PUM1: variants seen among roughly 807,000 people sequenced by gnomAD.
PUM1 encodes the protein pumilio RNA binding family member 1.
Under a neutral mutation model 131.8 loss-of-function variants are expected in PUM1, and 13 were observed. That is an observed-to-expected ratio of 0.10 (90% CI 0.06 to 0.16). The LOEUF is 0.16. Among genes scored for constraint, PUM1 ranks in the 10% least tolerant of loss-of-function variants. The pLI is 1.00. For synonymous variants in PUM1, 509 were observed against 556.5 expected (o/e 0.91, Z 1.20); for missense variants, 961 against 1,512.4 (o/e 0.64, Z 6.05).
rs568167694 is a variant in PUM1, at chr1:30,993,028, T to TA, written c.888-369dup. On this transcript the variant is annotated intron_variant, in intron 6 of 21. Transcript: ENST00000426105. ...TGCAACATCTACTCTATCTACTCTTTAAATACAGAGACAATGGAAAAAGTT... is the reference window on the plus strand; with the variant it reads ...TGCAACATCTACTCTATCTACTCTTTAAAATACAGAGACAATGGAAAAAGTT... Among the ~76,000 whole-genome samples the TA allele has an allele frequency of 6.6e-5, 10 of 152,312 alleles. No homozygotes were observed. The South Asian group carries it at 1.9e-3, about 28-fold the overall frequency.
intron 20 of PUM1, 147 bp downstream of exon 20, chr1:30,941,004 A>C: frequency 1.0e-6 from 1 of 960,802 alleles, no homozygotes. Flanking sequence ...CAGAGTTTAT[A>C]CTTTGTAATA....
At chr1:30,942,194 TATATA>T (rs1557545157) in intron 18 of PUM1, 71 bp from the exon 19 acceptor site, 2,522 of 163,634 alleles carry the variant, frequency 0.015, 192 homozygotes, top group Admixed American at 0.036. Flanking sequence ...GTATTGTTTA[TATATA>T]TATATATATA....
intron 15 of PUM1, among the ~76,000 whole-genome samples, 168 bp from the exon 16 acceptor site, chr1:30,952,531 C>T (rs987809096): frequency 1.1e-4 from 17 of 152,134 alleles, no homozygotes; most frequent in Non-Finnish European, 1.8e-4. Context: ...CACTTGAACT[C>T]CCTTGAAGAG....
chr1:30,971,984 A>G (rs570543133), intron 10 of PUM1, among the ~76,000 whole-genome samples: 3 of 152,058 alleles, frequency 2.0e-5, no homozygotes, highest in South Asian at 4.1e-4. Flanking sequence ...TGCTAGGTGC[A>G]GTGGTTCACA....
Position 31,011,205 on chromosome 1 carries a change from T to A in PUM1, c.433-4103A>T, listed in dbSNP as rs534171245. Among the ~76,000 whole-genome samples the A allele has an allele frequency of 8.8e-3, 914 of 103,530 alleles. 7 individuals are homozygous for A. Among genetic ancestry groups the A allele is most frequent in the African/African-American group, 0.033 (820 of 24,806 alleles). The allele number at this position is 103,530 out of a possible 152,430, so 67.9% of individuals were successfully genotyped here. ...CACACACACACACACACACACACAC[T>A]GTGCTGTTTTAAGCCACTAAATTTT... On this transcript the variant is annotated intron_variant, in intron 3 of 21. Transcript: ENST00000426105.
chr1:30,995,531 G>A (rs1489135586), intron 5 of PUM1, among the ~76,000 whole-genome samples: 1 of 149,336 alleles, frequency 6.7e-6, no homozygotes, highest in Non-Finnish European at 1.5e-5. Context: ...CCAAAGCCCA[G>A]CCATAACTTT....
At chr1:31,014,201 C>A (rs1642724106) in intron 3 of PUM1, among the ~76,000 whole-genome samples, 1 of 151,254 alleles carries the variant, frequency 6.6e-6, no homozygotes, top group Non-Finnish European at 1.5e-5. Flanking sequence ...GGAGGCTGAC[C>A]TAGGTGGGAG....
rs1247781337 is a variant in PUM1, at chr1:31,038,991, T to A, written c.364-10127A>T. Among the ~76,000 whole-genome samples, 117 of 113,592 alleles carry A rather than the reference T, an allele frequency of 1.0e-3. 4 individuals are homozygous for A. Among genetic ancestry groups the A allele is most frequent in the Non-Finnish European group, 1.5e-3 (84 of 57,908 alleles). The allele number at this position is 113,592 out of a possible 152,430, so 74.5% of individuals were successfully genotyped here. A position where few individuals can be genotyped will look rare whatever the true frequency, so the allele number is the denominator to read the frequency against. On this transcript the variant is annotated intron_variant, in intron 2 of 21. Coordinates refer to ENST00000426105, the MANE Select transcript of PUM1 (RefSeq NM_001020658.2). ...ATATATATATATATATATATTTTTT[T>A]TTTTTTTTTCCTTTTCTCTTTTTGA...
intron 2 of PUM1, among the ~76,000 whole-genome samples, chr1:31,048,272 AAAAG>A (rs996989425): frequency 3.3e-5 from 5 of 151,680 alleles, no homozygotes; most frequent in South Asian, 2.1e-4. Flanking sequence ...AAAAATAAAA[AAAAG>A]AAATAAAAAA....
chr1:30,986,643 G>A (rs889355090), intron 7 of PUM1, among the ~76,000 whole-genome samples: 1 of 151,888 alleles, frequency 6.6e-6, no homozygotes, highest in African/African-American at 2.4e-5. Context: ...AAGGTCCTAG[G>A]GAAGAACAAA....
intron 21 of PUM1, 34 bp from the exon 22 acceptor site, chr1:30,933,376 T>A: frequency 6.2e-7 from 1 of 1,604,112 alleles, no homozygotes; most frequent in South Asian, 1.1e-5. Flanking sequence ...TTACATGGCC[T>A]GAGATGAGAC....
chr1:31,064,275 C>A (rs1644432256), intron 1 of PUM1, among the ~76,000 whole-genome samples: 1 of 152,164 alleles, frequency 6.6e-6, no homozygotes, highest in African/African-American at 2.4e-5. Context: ...TAAACAAATT[C>A]CAACTTCAAA....
chr1:30,985,874 A>T (rs1381508480), intron 7 of PUM1, among the ~76,000 whole-genome samples: 1 of 152,188 alleles, frequency 6.6e-6, no homozygotes, highest in East Asian at 1.9e-4. Flanking sequence ...AGTTCAAAAG[A>T]GACAGCCTGA....
Position 31,038,984 on chromosome 1 carries a change from A to ATATATATATATTTTTTTTTTTTT in PUM1, c.364-10121_364-10120insAAAAAAAAAAAAATATATATATA. Among the ~76,000 whole-genome samples the ATATATATATATTTTTTTTTTTTT allele has an allele frequency of 1.8e-4, 9 of 49,410 alleles. No individual in the cohort carries two copies. The African/African-American group carries it at 1.9e-3, about 10-fold the overall frequency. 32.4% of individuals were successfully genotyped at this position (49,410 alleles called of 152,430 possible). On this transcript the variant is annotated intron_variant, in intron 2 of 21. Transcript: ENST00000426105. Reference sequence around the variant, plus strand: ...TATATATATATATATATATATATATATTTTTTTTTTTTTTTTCCTTTTCTC... The same window carrying ATATATATATATTTTTTTTTTTTT: ...TATATATATATATATATATATATATATATATATATATTTTTTTTTTTTTTTTTTTTTTTTTTTTTCCTTTTCTC...
rs983700869 is a variant in PUM1, at chr1:30,964,718, G to A, written c.2279C>T (p.Pro760Leu). 1.2e-6 allele frequency: 2 copies of A among 1,609,028 alleles called. No individual in the cohort carries two copies. Among genetic ancestry groups the A allele is most frequent in the Non-Finnish European group, 8.5e-7 (1 of 1,175,634 alleles). ...GGATCCATGTGAAGAGAGGGAAGGA[G>A]GTGGTGTCTGTGAATGTCCTGGTCC... ...SQGPGHSQTP[P>L]PSLSSHGSSS... is the part of the protein sequence containing the mutation. The change falls in exon 14 of 22, where the codon CCT becomes CTT. Residue 760 changes from proline to leucine, a missense_variant. Transcript: ENST00000426105.
At position 30,972,141 on chromosome 1, in the gene PUM1, G is replaced by A. The variant is rs770716032; in HGVS notation, c.1506+2510C>T. On this transcript the variant is annotated intron_variant, in intron 10 of 21. Coordinates refer to ENST00000426105, the MANE Select transcript of PUM1 (RefSeq NM_001020658.2). ...ATGGTGGCACGTGCCTGTAATCCCA[G>A]CTACTAGGGAGGCTGAGGCACGAGA... Among the ~76,000 whole-genome samples the A allele has an allele frequency of 4.8e-4, 72 of 150,530 alleles. 1 individual carries two copies. The highest frequency in any genetic ancestry group is 3.1e-4 in the Non-Finnish European group (21 of 67,758).
intron 2 of PUM1, among the ~76,000 whole-genome samples, chr1:31,053,385 C>G (rs1644159093): frequency 6.6e-6 from 1 of 151,236 alleles, no homozygotes; most frequent in Non-Finnish European, 1.5e-5. Context: ...CTTTCCCTCA[C>G]TTCCCTCCGA....
At chr1:30,997,767 C>A (rs1009620164) in intron 5 of PUM1, among the ~76,000 whole-genome samples, 1 of 151,864 alleles carries the variant, frequency 6.6e-6, no homozygotes, top group African/African-American at 2.4e-5. Flanking sequence ...TGCAGTGGTG[C>A]GATCTCAGGT....
At chr1:30,978,761 C>T (rs1411801220) in intron 9 of PUM1, among the ~76,000 whole-genome samples, 1 of 152,046 alleles carries the variant, frequency 6.6e-6, no homozygotes, top group Non-Finnish European at 1.5e-5. Flanking sequence ...AGTCAAATAA[C>T]AAAGATGCCT....
Sources: gnomAD v4.1 joint callset for allele counts (sites outside exome capture counted in the v4.1 genomes callset) on GRCh38, gnomAD v4.1.1 for gene constraint, MANE v1.5 for transcripts, NCBI Gene and HGNC (gene_info 2026-07-23, HGNC 2026-07-21) for gene names.